Variants in PSMD14 observed in about 807,000 individuals in gnomAD.
The protein encoded by PSMD14 is proteasome 26S subunit, non-ATPase 14.
PSMD14 carries 7 observed loss-of-function variants against 41.2 expected under a neutral mutation model. The ratio of observed to expected loss-of-function variants is 0.17; its 90% confidence interval spans 0.10 to 0.32. PSMD14 has a LOEUF of 0.32. Among genes scored for constraint, PSMD14 ranks in the 10% least tolerant of loss-of-function variants. The pLI, the probability that PSMD14 is intolerant of heterozygous loss-of-function variation, is 1.00. For synonymous variants in PSMD14, 114 were observed against 122.3 expected, an observed-to-expected ratio of 0.93 and a Z score of 0.45; for missense variants, 139 against 375.6, an observed-to-expected ratio of 0.37 and a Z score of 5.21.
intron 7 of PSMD14, among the ~76,000 whole-genome samples, chr2:161,371,919 TTTG>T (rs1683439720): frequency 6.6e-6 from 1 of 152,096 alleles, no homozygotes; most frequent in Non-Finnish European, 1.5e-5. Context: ...TGAAACCCCT[TTTG>T]TTCTTGTTTA....
At chr2:161,395,552 C>T (rs912265832) in intron 10 of PSMD14, among the ~76,000 whole-genome samples, 3 of 152,054 alleles carry the variant, frequency 2.0e-5, no homozygotes, top group Non-Finnish European at 4.4e-5. Context: ...TTGAAAGGGA[C>T]AAGGAGTAAG....
intron 8 of PSMD14, among the ~76,000 whole-genome samples, chr2:161,388,360 A>C (rs953962569): frequency 3.9e-5 from 6 of 152,112 alleles, no homozygotes; most frequent in African/African-American, 1.4e-4. Context: ...AGGCCCATAA[A>C]GTTGAGTTGC....
At chr2:161,349,379 C>T (rs1683086733) in intron 3 of PSMD14, among the ~76,000 whole-genome samples, 1 of 152,124 alleles carries the variant, frequency 6.6e-6, no homozygotes, top group Non-Finnish European at 1.5e-5. Flanking sequence ...ATCAGAATGC[C>T]TGCTTGGCAT....
chr2:161,354,120 C>T (rs7349280), intron 3 of PSMD14, among the ~76,000 whole-genome samples: 20,153 of 151,998 alleles, frequency 0.13, 1,531 homozygotes, highest in East Asian at 0.29. Flanking sequence ...TGTTATGAGA[C>T]GTTCAGGTTC....
At chr2:161,364,841 C>T (rs970582100) in intron 3 of PSMD14, among the ~76,000 whole-genome samples, 1 of 152,084 alleles carries the variant, frequency 6.6e-6, no homozygotes, top group Non-Finnish European at 1.5e-5. Context: ...CAGTCGCTCA[C>T]GCCTGTAATG....
chr2:161,374,457 C>T (rs1683478423), intron 7 of PSMD14, among the ~76,000 whole-genome samples: 1 of 151,792 alleles, frequency 6.6e-6, no homozygotes, highest in South Asian at 2.1e-4. Context: ...GAATCTGTAA[C>T]CCTCTGCATA....
At chr2:161,355,782 TA>T (rs1169002496) in intron 3 of PSMD14, among the ~76,000 whole-genome samples, 1 of 152,232 alleles carries the variant, frequency 6.6e-6, no homozygotes, top group Non-Finnish European at 1.5e-5. Flanking sequence ...AAAAAATTTC[TA>T]CTGCTGTATC....
intron 3 of PSMD14, among the ~76,000 whole-genome samples, chr2:161,331,599 G>T (rs1263412394): frequency 6.6e-6 from 1 of 152,172 alleles, no homozygotes; most frequent in Admixed American, 6.5e-5. Flanking sequence ...TAAGGCTTTT[G>T]CCTTGGGAGC....
intron 3 of PSMD14, among the ~76,000 whole-genome samples, chr2:161,327,769 T>C (rs1270678242): frequency 1.3e-5 from 2 of 151,928 alleles, no homozygotes; most frequent in African/African-American, 4.8e-5. Context: ...AAAGATGACC[T>C]CATTTAACAA....
chr2:161,377,220 T>C (rs1357699954), intron 7 of PSMD14, among the ~76,000 whole-genome samples: 2 of 151,966 alleles, frequency 1.3e-5, no homozygotes, highest in Admixed American at 6.6e-5. Context: ...AATCATAAAT[T>C]ATACACACCT....
In PSMD14 at chr2:161,376,981, G is replaced by C. The variant is rs190904348; in HGVS notation, c.462+5659G>C. Among the ~76,000 whole-genome samples, 184 of 151,904 alleles carry C rather than the reference G, an allele frequency of 1.2e-3. 1 individual carries two copies. The highest frequency in any genetic ancestry group is 4.1e-3 in the African/African-American group (171 of 41,484). On this transcript the variant is annotated intron_variant, in intron 7 of 11. Coordinates refer to ENST00000409682, the MANE Select transcript of PSMD14 (RefSeq NM_005805.6). ...TATTAATTTTTTATATGTCAGCATAGAGTCGTTTATTAAATGACTGGAACG... is the reference window on the plus strand; with the variant it reads ...TATTAATTTTTTATATGTCAGCATACAGTCGTTTATTAAATGACTGGAACG...
chr2:161,358,479 A>G (rs1285803716), intron 3 of PSMD14, among the ~76,000 whole-genome samples: 1 of 152,122 alleles, frequency 6.6e-6, no homozygotes, highest in East Asian at 1.9e-4. Flanking sequence ...TGGGTGAGGG[A>G]TAAAAACCGT....
chr2:161,313,466 C>T (rs1424525500), intron 1 of PSMD14, among the ~76,000 whole-genome samples: 1 of 152,202 alleles, frequency 6.6e-6, no homozygotes, highest in Non-Finnish European at 1.5e-5. Flanking sequence ...CCTCCTACCT[C>T]AGCCTCCCCA....
rs918575279 is a variant in PSMD14, at chr2:161,407,464, T to C, written c.772-1373T>C. 16 of 152,256 alleles carry C rather than the reference T, an allele frequency of 1.1e-4. 1 individual carries two copies. In the Middle Eastern group the frequency reaches 0.024, roughly 227 times the overall value. 9.4% of individuals were successfully genotyped at this position (152,256 alleles called of 1,614,324 possible). On this transcript the variant is annotated intron_variant, in intron 10 of 11. Transcript: ENST00000409682. Reference sequence around the variant, plus strand: ...ATCAGTAGATACAATACCTATTCACTATCTTTTCTCTTTAGGCAGGTTCTA... The same window carrying C: ...ATCAGTAGATACAATACCTATTCACCATCTTTTCTCTTTAGGCAGGTTCTA...
chr2:161,402,459 A>G (rs1390768551), intron 10 of PSMD14, among the ~76,000 whole-genome samples: 1 of 151,870 alleles, frequency 6.6e-6, no homozygotes, highest in East Asian at 1.9e-4. Flanking sequence ...GGCAACATAG[A>G]GAGACCCTGT....
intron 10 of PSMD14, among the ~76,000 whole-genome samples, chr2:161,401,869 T>C (rs991342490): frequency 1.3e-5 from 2 of 152,180 alleles, no homozygotes; most frequent in African/African-American, 4.8e-5. Flanking sequence ...TGGAGATACA[T>C]AGGACTGTGT....
Position 161,330,922 on chromosome 2 carries a change from A to G in PSMD14, c.48+12049A>G, listed in dbSNP as rs142369305. Among the ~76,000 whole-genome samples the G allele has an allele frequency of 5.6e-4, 85 of 152,274 alleles. 1 individual carries two copies. In the East Asian group the frequency reaches 0.012, roughly 22 times the overall value. On this transcript the variant is annotated intron_variant, in intron 3 of 11. Transcript: ENST00000409682. The stretch of plus-strand genomic sequence containing the variant: ...TCTTACCTGCCTGTGGTAATTTTCT[A>G]TTCCCTAGTGTTGTAAACGGAGCCT...
intron 7 of PSMD14, among the ~76,000 whole-genome samples, chr2:161,372,374 A>G (rs1324680460): frequency 6.6e-6 from 1 of 152,094 alleles, no homozygotes; most frequent in Non-Finnish European, 1.5e-5. Flanking sequence ...TCTGCTCACC[A>G]GCAGAAAAAC....
At chr2:161,328,513 CA>C (rs1682736628) in intron 3 of PSMD14, among the ~76,000 whole-genome samples, 1 of 151,954 alleles carries the variant, frequency 6.6e-6, no homozygotes, top group Non-Finnish European at 1.5e-5. Flanking sequence ...CAACTTTCTA[CA>C]GTGATGGAAG....
Sources: gnomAD v4.1 joint callset for allele counts (sites outside exome capture counted in the v4.1 genomes callset) on GRCh38, gnomAD v4.1.1 for gene constraint, MANE v1.5 for transcripts, NCBI Gene and HGNC (gene_info 2026-07-23, HGNC 2026-07-21) for gene names.